ASCC3: variants seen among roughly 807,000 people sequenced by gnomAD.
ASCC3 encodes the protein activating signal cointegrator 1 complex subunit 3, also known as ASC-1 complex subunit P200.
In ASCC3, 158 loss-of-function variants were observed where a neutral mutation model predicts 256.3. The observed-to-expected ratio is 0.62, with a 90% CI of 0.54 to 0.70. The LOEUF is 0.70. ASCC3 is among the 30% of genes least tolerant of loss of function. ASCC3 has a pLI of 0.00. For synonymous variants in ASCC3, 948 were observed against 883.4 expected (o/e 1.07, Z -1.30); for missense variants, 2,259 against 2,626.0 (o/e 0.86, Z 3.05).
At chr6:100,616,683 T>C (rs1427758735) in intron 30 of ASCC3, among the ~76,000 whole-genome samples, 2 of 152,320 alleles carry the variant, frequency 1.3e-5, no homozygotes, top group South Asian at 2.1e-4. Flanking sequence ...TTGTAGACTT[T>C]AGAGCACAAC....
At chr6:100,705,930 A>C (rs1217886330) in intron 13 of ASCC3, among the ~76,000 whole-genome samples, 1 of 151,992 alleles carries the variant, frequency 6.6e-6, no homozygotes, top group Non-Finnish European at 1.5e-5. Context: ...ATTGTTATTA[A>C]CCATGACCAC....
At chr6:100,720,855 T>C (rs1779296232) in intron 11 of ASCC3, among the ~76,000 whole-genome samples, 1 of 148,130 alleles carries the variant, frequency 6.8e-6, no homozygotes, top group Non-Finnish European at 1.5e-5. Context: ...TGATACACTA[T>C]ATATTTATAT....
intron 3 of ASCC3, chr6:100,856,380 C>T: frequency 1.0e-6 from 1 of 983,832 alleles, no homozygotes; most frequent in Non-Finnish European, 1.2e-6. Flanking sequence ...GGAGTTCTCA[C>T]CATGATAGCC....
chr6:100,878,304 C>T (rs1769090121), intron 1 of ASCC3, among the ~76,000 whole-genome samples: 1 of 152,102 alleles, frequency 6.6e-6, no homozygotes, highest in African/African-American at 2.4e-5. Flanking sequence ...CTAACTTATC[C>T]TCTAACTAGG....
intron 8 of ASCC3, among the ~76,000 whole-genome samples, chr6:100,778,905 T>C (rs1782319866): frequency 1.3e-5 from 2 of 152,104 alleles, no homozygotes; most frequent in Admixed American, 6.6e-5. Context: ...AAAAGTTAAG[T>C]TTAATATATT....
intron 20 of ASCC3, among the ~76,000 whole-genome samples, chr6:100,648,834 A>G (rs1188222457): frequency 1.3e-5 from 2 of 151,928 alleles, no homozygotes; most frequent in Admixed American, 6.6e-5. Context: ...ATTCCATATG[A>G]CAAGATACAA....
Position 100,767,253 on chromosome 6 carries a change from C to T in ASCC3, c.1488G>A (p.Leu496=). The T allele has an allele frequency of 2.5e-6, 4 of 1,613,988 alleles. No individual in the cohort carries two copies. Among genetic ancestry groups the T allele is most frequent in the Non-Finnish European group, 3.4e-6 (4 of 1,179,968 alleles). ...TTCCAGCTCCTGTAGGGGCACAAAT[C>T]AGCATGTTCTCATTGGTGTTGTAGG... ...ETAYNTNENM[L]ICAPTGAGKT... is the part of the protein sequence containing the mutation. The change falls in exon 9 of 42, where the codon CTG becomes CTA. Residue 496 remains leucine (L), a synonymous_variant. Coordinates refer to ENST00000369162, the MANE Select transcript of ASCC3 (RefSeq NM_006828.4).
At chr6:100,546,649 A>T (rs962291977) in intron 36 of ASCC3, among the ~76,000 whole-genome samples, 1 of 152,014 alleles carries the variant, frequency 6.6e-6, no homozygotes, top group Non-Finnish European at 1.5e-5. Flanking sequence ...TTACTTGTTT[A>T]AAAAAAATCC....
chr6:100,539,201 A>C (rs1350026855), intron 37 of ASCC3, among the ~76,000 whole-genome samples: 3 of 152,210 alleles, frequency 2.0e-5, no homozygotes. Flanking sequence ...ACAGCACTTA[A>C]GGTATAAAAA....
chr6:100,792,916 T>C (rs1769421263), intron 8 of ASCC3, among the ~76,000 whole-genome samples: 1 of 151,956 alleles, frequency 6.6e-6, no homozygotes, highest in African/African-American at 2.4e-5. Context: ...AAATAAAATA[T>C]GAAAGGGTTT....
At chr6:100,732,165 C>CAAAAA (rs386408063) in intron 10 of ASCC3, among the ~76,000 whole-genome samples, 14 of 105,078 alleles carry the variant, frequency 1.3e-4, no homozygotes, top group Admixed American at 2.8e-4. Context: ...CGTCTCAAAA[C>CAAAAA]AAAAAAAAAA....
chr6:100,730,298 G>GAAAACAAAACAAAACAAAACAAAAC (rs58157005), intron 10 of ASCC3, among the ~76,000 whole-genome samples: 128 of 148,558 alleles, frequency 8.6e-4, no homozygotes, highest in African/African-American at 2.1e-3. Context: ...CTCCATCTCT[G>GAAAACAAAACAAAACAAAACAAAAC]AAAACAAAAC....
chr6:100,589,570 A>G (rs924482559), intron 36 of ASCC3, 64 bp downstream of exon 36: 1 of 1,597,492 alleles, frequency 6.3e-7, no homozygotes, highest in Non-Finnish European at 8.5e-7. Flanking sequence ...TTCAAGACAA[A>G]CTAGGTGGCA....
At chr6:100,567,875 T>C (rs1393403247) in intron 36 of ASCC3, among the ~76,000 whole-genome samples, 1 of 152,180 alleles carries the variant, frequency 6.6e-6, no homozygotes, top group Admixed American at 6.5e-5. Context: ...CATGTGTCTT[T>C]TTGGTAGAAG....
rs184114013 is a variant in ASCC3, at chr6:100,690,768, G to C, written c.2152-11016C>G. Among the ~76,000 whole-genome samples the C allele has an allele frequency of 2.0e-4, 30 of 152,240 alleles. 1 individual carries two copies. The highest frequency in any genetic ancestry group is 1.6e-3 in the Admixed American group (25 of 15,288). On this transcript the variant is annotated intron_variant, in intron 13 of 41. Coordinates refer to ENST00000369162, the MANE Select transcript of ASCC3 (RefSeq NM_006828.4). ...AAGCCAAGGAAAGTAATCCACAATAGTGAGATGTGGTTCCACAGCTCCAAG... is the reference window on the plus strand; with the variant it reads ...AAGCCAAGGAAAGTAATCCACAATACTGAGATGTGGTTCCACAGCTCCAAG...
At chr6:100,674,502 G>A (rs1181806099) in intron 14 of ASCC3, among the ~76,000 whole-genome samples, 1 of 151,592 alleles carries the variant, frequency 6.6e-6, no homozygotes, top group Admixed American at 6.6e-5. Context: ...AAAGCATTAA[G>A]TTTAATTTTT....
intron 13 of ASCC3, among the ~76,000 whole-genome samples, chr6:100,685,502 G>T (rs1020027925): frequency 1.3e-5 from 2 of 152,192 alleles, no homozygotes; most frequent in Non-Finnish European, 2.9e-5. Context: ...TGAGGGTGGG[G>T]CCCAGCCATT....
intron 36 of ASCC3, among the ~76,000 whole-genome samples, chr6:100,581,933 A>G (rs1250279104): frequency 6.6e-6 from 1 of 151,812 alleles, no homozygotes; most frequent in Non-Finnish European, 1.5e-5. Flanking sequence ...GTTCTGTTCC[A>G]TTGATCTATA....
At chr6:100,880,132 A>AT (rs1769222309) in intron 1 of ASCC3, among the ~76,000 whole-genome samples, 1 of 152,238 alleles carries the variant, frequency 6.6e-6, no homozygotes, top group Admixed American at 6.5e-5. Flanking sequence ...TATAAATAGG[A>AT]TTATTTAGCC....
Sources: gnomAD v4.1 joint callset for allele counts (sites outside exome capture counted in the v4.1 genomes callset) on GRCh38, gnomAD v4.1.1 for gene constraint, MANE v1.5 for transcripts, NCBI Gene and HGNC (gene_info 2026-07-23, HGNC 2026-07-21) for gene names.